GBF1: variants seen among roughly 807,000 people sequenced by gnomAD.
GBF1 encodes golgi brefeldin A resistant guanine nucleotide exchange factor 1.
In GBF1, 114 loss-of-function variants were observed where a neutral mutation model predicts 210.5. The ratio of observed to expected loss-of-function variants is 0.54; its 90% confidence interval spans 0.47 to 0.63. The LOEUF is 0.63. Ranked by LOEUF, GBF1 falls within the 30% of genes least tolerant of loss-of-function variation. GBF1 has a pLI of 0.00. For synonymous variants in GBF1, 850 were observed against 889.2 expected (o/e 0.96, Z 0.78); for missense variants, 1,851 against 2,357.7 (o/e 0.79, Z 4.45).
chr10:102,285,034 C>T lies in GBF1; in HGVS notation c.163+24918C>T, dbSNP rs188590420. 2.0e-5 allele frequency among the ~76,000 whole-genome samples: 3 copies of T among 152,280 alleles called. No homozygotes were observed. The East Asian group carries it at 5.8e-4, about 29-fold the overall frequency. On this transcript the variant is annotated intron_variant, in intron 3 of 39. Transcript: ENST00000369983. Reference sequence around the variant, plus strand: ...TATGGATCTTCTGACATGCTTCTCTCCTGAAATAACTGGATGGCTCTTCTG... The same window carrying T: ...TATGGATCTTCTGACATGCTTCTCTTCTGAAATAACTGGATGGCTCTTCTG...
chr10:102,275,046 C>G (rs924943328), intron 3 of GBF1, among the ~76,000 whole-genome samples: 4 of 145,256 alleles, frequency 2.8e-5, no homozygotes, highest in Non-Finnish European at 6.0e-5. Flanking sequence ...GAATCTTGCT[C>G]TGTTGCCCAG....
At chr10:102,345,665 A>C (rs1320995836) in intron 4 of GBF1, among the ~76,000 whole-genome samples, 1 of 151,370 alleles carries the variant, frequency 6.6e-6, no homozygotes, top group Non-Finnish European at 1.5e-5. Flanking sequence ...AAAAAAAAAA[A>C]AAAAAAAGCA....
the GBF1 span, among the ~76,000 whole-genome samples, chr10:102,235,527 A>G: frequency 1.2e-4 from 19 of 152,342 alleles, no homozygotes; most frequent in Non-Finnish European, 2.1e-4. Context: ...AAGGAAGTTC[A>G]TGATCCCTTC....
rs2060716066 is a variant in GBF1, at chr10:102,379,600, A to G, written c.4725A>G (p.Val1575=). 6.2e-7 allele frequency: 1 copy of G among 1,614,038 alleles called. No individual in the cohort carries two copies. Among genetic ancestry groups the G allele is most frequent in the African/African-American group, 1.3e-5 (1 of 74,920 alleles). ...CCTATCTGCAGCGAGCACTACTTGT[A>G]CATGATCTGCAAAAGCTAGATGCCC... ...ALTYLQRALL[V]HDLQKLDALE... Residue 1575 remains valine, a synonymous_variant, in exon 35 of 40, where the codon GTA becomes GTG. Transcript: ENST00000369983.
intron 3 of GBF1, among the ~76,000 whole-genome samples, chr10:102,336,054 C>G (rs112901907): frequency 0.12 from 18,110 of 151,980 alleles, 1,304 homozygotes; most frequent in Middle Eastern, 0.27. Flanking sequence ...GTAATCCCAG[C>G]ACTTTGGGAG....
In GBF1 at chr10:102,360,330, C is replaced by A. The variant is rs771953360; in HGVS notation, c.1327C>A (p.Pro443Thr). 1.2e-6 allele frequency: 2 copies of A among 1,613,590 alleles called. No homozygotes were observed. Among genetic ancestry groups the A allele is most frequent in the Non-Finnish European group, 1.7e-6 (2 of 1,179,512 alleles). ...HLLTVALESA[P>T]VAQCQTLLGL... ...GCTGACAGTGGCCCTTGAGTCAGCC[C>A]CTGTAGCCCAGTGCCAGACCCTCTT... The change falls in exon 12 of 40, where the codon CCT (proline) becomes ACT (threonine). Residue 443 changes from proline (P) to threonine (T), a missense_variant. Physicochemically the swap from Pro to Thr is conservative, Grantham distance 38 (BLOSUM62 -1). This residue lies in a region of GBF1 where 804 missense variants were observed against 958.6 expected (regional missense o/e 0.84). Coordinates refer to ENST00000369983, the MANE Select transcript of GBF1 (RefSeq NM_001377137.1).
chr10:102,238,041 T>TGGGCAGGAGA, the GBF1 span, among the ~76,000 whole-genome samples: 3 of 152,104 alleles, frequency 2.0e-5, no homozygotes, highest in Admixed American at 6.5e-5. Context: ...GGAGAAACTA[T>TGGGCAGGAGA]TAACTGAAAG....
At chr10:102,307,064 G>T (rs2077948149) in intron 3 of GBF1, among the ~76,000 whole-genome samples, 1 of 152,184 alleles carries the variant, frequency 6.6e-6, no homozygotes, top group Admixed American at 6.5e-5. Flanking sequence ...TTATTTGAAA[G>T]GTGGAAAAGG....
intron 28 of GBF1, 46 bp downstream of exon 28, chr10:102,370,524 C>T: frequency 6.7e-7 from 1 of 1,484,326 alleles, no homozygotes; most frequent in Admixed American, 1.7e-5. Flanking sequence ...TGGGCTTGTG[C>T]CAAAGGGATG....
intron 4 of GBF1, among the ~76,000 whole-genome samples, chr10:102,349,041 A>C (rs1478915335): frequency 9.2e-5 from 14 of 151,904 alleles, no homozygotes; most frequent in African/African-American, 3.4e-4. Context: ...CCTAGCTACT[A>C]AGGAGGCTTA....
chr10:102,281,218 G>A (rs1295856139), intron 3 of GBF1, among the ~76,000 whole-genome samples: 1 of 152,022 alleles, frequency 6.6e-6, no homozygotes, highest in Non-Finnish European at 1.5e-5. Context: ...TGAAATAGAC[G>A]GGTTGAGAGG....
chr10:102,366,525 G>A lies in GBF1; in HGVS notation c.2433+19G>A, dbSNP rs1330717423. Reference sequence around the variant, plus strand: ...TTGGATGGTGAGTTTGAGTGTCAGGGGCTGAGCCCAGGATCCAAGGTCAGT... The same window carrying A: ...TTGGATGGTGAGTTTGAGTGTCAGGAGCTGAGCCCAGGATCCAAGGTCAGT... On this transcript the variant is annotated intron_variant, in intron 19 of 39. Coordinates refer to ENST00000369983, the MANE Select transcript of GBF1 (RefSeq NM_001377137.1). The surrounding 1 kb of genome is among the most constrained non-coding windows in gnomAD (Gnocchi z 4.0). 4 of 1,612,658 alleles carry A rather than the reference G, an allele frequency of 2.5e-6. No homozygotes were observed. The highest frequency in any genetic ancestry group is 3.4e-6 in the Non-Finnish European group (4 of 1,178,918).
the GBF1 span, among the ~76,000 whole-genome samples, chr10:102,238,080 T>C: frequency 6.6e-6 from 1 of 152,182 alleles, no homozygotes; most frequent in East Asian, 1.9e-4. Flanking sequence ...GGCAGGACAA[T>C]GGGAAAGGAG....
chr10:102,287,184 GATGTT>G (rs1328229019), intron 3 of GBF1, among the ~76,000 whole-genome samples: 17 of 152,030 alleles, frequency 1.1e-4, no homozygotes, highest in African/African-American at 3.6e-4. Flanking sequence ...TGCTTAGTTT[GATGTT>G]ATGTTATTAT....
intron 4 of GBF1, among the ~76,000 whole-genome samples, chr10:102,344,524 A>G (rs1330432750): frequency 6.6e-6 from 1 of 152,112 alleles, no homozygotes; most frequent in African/African-American, 2.4e-5. Context: ...TCTGTCGCCC[A>G]GGCTGGAGTG....
intron 3 of GBF1, among the ~76,000 whole-genome samples, chr10:102,265,073 A>T (rs1175663549): frequency 1.3e-5 from 2 of 152,192 alleles, no homozygotes; most frequent in African/African-American, 4.8e-5. Context: ...AAATATCAGG[A>T]TACTTGATAT....
rs145658275 is a variant in GBF1 at position 102,322,440 on chromosome 10, T to C, written c.164-21611T>C. Among the ~76,000 whole-genome samples, 1,046 of 152,294 alleles carry C rather than the reference T, an allele frequency of 6.9e-3. 5 individuals are homozygous for C. The highest frequency in any genetic ancestry group is 0.01 in the Non-Finnish European group (706 of 68,012). ...CAGTTTATGTCCATTTCTTGTTAGA[T>C]TTATTCCTAAATATGTGTATGTTCA... On this transcript the variant is annotated intron_variant, in intron 3 of 39. Transcript: ENST00000369983.
At chr10:102,317,453 T>C (rs190346512) in intron 3 of GBF1, among the ~76,000 whole-genome samples, 2 of 152,190 alleles carry the variant, frequency 1.3e-5, no homozygotes, top group East Asian at 3.9e-4. Context: ...ACCCCATCTT[T>C]ACTAAAAATA....
At chr10:102,376,088 C>T (rs908304921) in intron 30 of GBF1, among the ~76,000 whole-genome samples, 184 bp from the exon 31 acceptor site, 6 of 151,958 alleles carry the variant, frequency 3.9e-5, no homozygotes, top group Non-Finnish European at 8.8e-5. Context: ...GATTAGCCTG[C>T]CACCTTATTT....
Sources: gnomAD v4.1 joint callset for allele counts (sites outside exome capture counted in the v4.1 genomes callset) on GRCh38, gnomAD v4.1.1 for gene constraint, gnomAD v4.1.1 regional missense constraint, Gnocchi (gnomAD v3.1) non-coding constraint, MANE v1.5 for transcripts, NCBI Gene and HGNC (gene_info 2026-07-23, HGNC 2026-07-21) for gene names.